HACD3: variants seen among roughly 807,000 people sequenced by gnomAD.
HACD3 encodes 3-hydroxyacyl-CoA dehydratase 3, also known as very-long-chain (3R)-3-hydroxyacyl-CoA dehydratase 3.
In HACD3, 30 loss-of-function variants were observed where a neutral mutation model predicts 55.2. The observed-to-expected ratio is 0.54, with a 90% confidence interval of 0.41 to 0.74. The LOEUF (loss-of-function observed/expected upper bound fraction) is 0.74, where lower values mean the gene tolerates loss of function less well. Ranked by LOEUF, HACD3 falls within the 30% of genes least tolerant of loss-of-function variation. The pLI is 0.00. For missense variants in HACD3, 363 were observed against 440.1 expected, an observed-to-expected ratio of 0.82 and a Z score of 1.57; for synonymous variants, 141 against 151.7, an observed-to-expected ratio of 0.93 and a Z score of 0.52.
intron 1 of HACD3, among the ~76,000 whole-genome samples, chr15:65,536,747 C>T (rs531292781): frequency 6.6e-6 from 1 of 152,226 alleles, no homozygotes; most frequent in African/African-American, 2.4e-5. Context: ...GAGACTCTGT[C>T]TCAAAAACAA....
At position 65,544,570 on chromosome 15, in the gene HACD3, GGGTACACAGTA is replaced by G. The variant is rs2072055060; in HGVS notation, c.88-7102_88-7092del. Among the ~76,000 whole-genome samples, 3 of 152,128 alleles carry G rather than the reference GGGTACACAGTA, an allele frequency of 2.0e-5. No homozygotes were observed. The South Asian group carries it at 6.2e-4, about 32-fold the overall frequency. On this transcript the variant is annotated intron_variant, in intron 1 of 10. Coordinates refer to ENST00000261875, the MANE Select transcript of HACD3 (RefSeq NM_016395.4). The stretch of plus-strand genomic sequence containing the variant: ...CTTTTTTAAAAATTTTTATTTTTGT[GGGTACACAGTA>G]GGTGTGTATATTTATTTCTTAGAGC...
intron 7 of HACD3, among the ~76,000 whole-genome samples, chr15:65,569,568 T>C (rs2072328381): frequency 6.6e-6 from 1 of 151,690 alleles, no homozygotes; most frequent in Non-Finnish European, 1.5e-5. Context: ...TTAGCCAGTG[T>C]GGTAGTACAC....
intron 2 of HACD3, chr15:65,553,325 T>C (rs1456430423): frequency 6.6e-6 from 1 of 151,988 alleles, no homozygotes; most frequent in Non-Finnish European, 1.5e-5. Context: ...AACACTACAC[T>C]CTAGATGATG....
intron 1 of HACD3, among the ~76,000 whole-genome samples, chr15:65,540,406 T>C (rs539426638): frequency 6.6e-5 from 10 of 152,206 alleles, no homozygotes; most frequent in Non-Finnish European, 1.2e-4. Flanking sequence ...AAGAGGGTGA[T>C]GAAATAGAGA....
chr15:65,576,293 T>A lies in HACD3; in HGVS notation c.1013-10T>A, dbSNP rs772345668. 8.8e-6 allele frequency: 14 copies of A among 1,584,926 alleles called. No homozygotes were observed. In the African/African-American group the frequency reaches 9.5e-5, roughly 11 times the overall value. The stretch of plus-strand genomic sequence containing the variant: ...ACTCTAATTTCTAATTGACCTCTTT[T>A]CTTTTTCAGGTTTATACATAAATTT... On this transcript the variant is annotated splice_polypyrimidine_tract_variant and intron_variant, in intron 10 of 10. Transcript: ENST00000261875.
intron 10 of HACD3, 78 bp downstream of exon 10, chr15:65,572,444 A>G (rs2072357479): frequency 1.4e-6 from 2 of 1,389,362 alleles, no homozygotes; most frequent in East Asian, 5.1e-5. Flanking sequence ...GAAATGTAAA[A>G]GTCCATATGA....
chr15:65,548,134 C>T (rs189622392), intron 1 of HACD3, among the ~76,000 whole-genome samples: 246 of 152,304 alleles, frequency 1.6e-3, no homozygotes, highest in African/African-American at 5.6e-3. Flanking sequence ...AATGTGAATT[C>T]TTACTAGTTG....
In HACD3 at chr15:65,558,868, G is replaced by C. The variant is rs1013359288; in HGVS notation, c.421+137G>C. 4 of 970,930 alleles carry C rather than the reference G, an allele frequency of 4.1e-6. No homozygotes were observed. In the African/African-American group the frequency reaches 6.5e-5, roughly 16 times the overall value. 60.1% of individuals were successfully genotyped at this position (970,930 alleles called of 1,614,324 possible). Reference sequence around the variant, plus strand: ...GGGTGAGTTTATGAAAAAGCTTTTAGGTCCAGTGCTTAAGGTCTGCACTAC... The same window carrying C: ...GGGTGAGTTTATGAAAAAGCTTTTACGTCCAGTGCTTAAGGTCTGCACTAC... On this transcript the variant is annotated intron_variant, in intron 5 of 10. Transcript: ENST00000261875.
chr15:65,563,583 C>T (rs1370470729), intron 6 of HACD3, among the ~76,000 whole-genome samples: 3 of 152,150 alleles, frequency 2.0e-5, no homozygotes, highest in African/African-American at 7.2e-5. Flanking sequence ...GTGGAAGGAT[C>T]TCTTGCGCCC....
At chr15:65,555,414 G>A (rs1242053758) in intron 3 of HACD3, among the ~76,000 whole-genome samples, 1 of 152,170 alleles carries the variant, frequency 6.6e-6, no homozygotes, top group Non-Finnish European at 1.5e-5. Flanking sequence ...AAAGGGTGAA[G>A]GCAGCTGGCC....
chr15:65,549,925 G>A (rs1356910955), intron 1 of HACD3, among the ~76,000 whole-genome samples: 2 of 152,218 alleles, frequency 1.3e-5, no homozygotes, highest in Non-Finnish European at 2.9e-5. Flanking sequence ...GCCTCAACTG[G>A]TAGGACCCCT....
intron 9 of HACD3, among the ~76,000 whole-genome samples, 173 bp from the exon 10 acceptor site, chr15:65,572,062 C>G (rs1008585799): frequency 1.3e-5 from 2 of 152,148 alleles, no homozygotes; most frequent in African/African-American, 4.8e-5. Flanking sequence ...GGAGGCTGAT[C>G]TCTTAGAAAA....
At chr15:65,567,431 A>G (rs1283339266) in intron 7 of HACD3, among the ~76,000 whole-genome samples, 1 of 152,246 alleles carries the variant, frequency 6.6e-6, no homozygotes, top group Non-Finnish European at 1.5e-5. Context: ...AGAGAGCACA[A>G]AAAGTAAATA....
intron 8 of HACD3, among the ~76,000 whole-genome samples, chr15:65,571,061 G>A (rs1312661378): frequency 6.6e-6 from 1 of 152,164 alleles, no homozygotes; most frequent in African/African-American, 2.4e-5. Flanking sequence ...ACACTTATGA[G>A]CTATAAAAGG....
intron 5 of HACD3, among the ~76,000 whole-genome samples, chr15:65,562,299 A>G (rs184104557): frequency 1.2e-4 from 19 of 152,314 alleles, no homozygotes; most frequent in African/African-American, 3.4e-4. Context: ...AGGACCCACA[A>G]TCAGATTAGA....
chr15:65,548,533 AT>A lies in HACD3; in HGVS notation c.88-3142del, dbSNP rs1419486557. ...GTCTCAAAAAAAAAAAAAAAAAAAG[AT>A]GATTAAGATGATTTGAAAATTTTCG... On this transcript the variant is annotated intron_variant, in intron 1 of 10. Transcript: ENST00000261875. Among the ~76,000 whole-genome samples the A allele has an allele frequency of 6.7e-3, 976 of 146,650 alleles. 10 individuals are homozygous for A. The highest frequency in any genetic ancestry group is 0.024 in the African/African-American group (933 of 39,432).
At chr15:65,532,994 A>G (rs2071917740) in intron 1 of HACD3, among the ~76,000 whole-genome samples, 1 of 152,174 alleles carries the variant, frequency 6.6e-6, no homozygotes, top group South Asian at 2.1e-4. Flanking sequence ...TGTTAAAGGA[A>G]TTTGTTACCT....
intron 1 of HACD3, among the ~76,000 whole-genome samples, chr15:65,542,411 A>G (rs2072030225): frequency 6.6e-6 from 1 of 151,748 alleles, no homozygotes; most frequent in East Asian, 2.0e-4. Flanking sequence ...CTACAGGCAC[A>G]TGCCATCACG....
intron 6 of HACD3, among the ~76,000 whole-genome samples, chr15:65,563,632 G>T (rs560315051): frequency 6.6e-5 from 10 of 152,202 alleles, no homozygotes; most frequent in African/African-American, 2.2e-4. Flanking sequence ...TCATGACACT[G>T]TACTCTAGAC....
Sources: gnomAD v4.1 joint callset for allele counts (sites outside exome capture counted in the v4.1 genomes callset) on GRCh38, gnomAD v4.1.1 for gene constraint, MANE v1.5 for transcripts, NCBI Gene and HGNC (gene_info 2026-07-23, HGNC 2026-07-21) for gene names.